The following GATAD2B variants were observed in gnomAD, a reference collection of about 807,000 sequenced individuals.
GATAD2B encodes GATA zinc finger domain containing 2B.
GATAD2B carries 8 observed loss-of-function variants against 64.3 expected under a neutral mutation model. That is an observed-to-expected ratio of 0.12 (90% CI 0.07 to 0.22). GATAD2B has a LOEUF of 0.22. Among genes scored for constraint, GATAD2B ranks in the 10% least tolerant of loss-of-function variants. The pLI is 1.00. For missense variants in GATAD2B, 453 were observed against 752.0 expected (o/e 0.60, Z 4.65); for synonymous variants, 281 against 271.3 (o/e 1.04, Z -0.35).
intron 1 of GATAD2B, among the ~76,000 whole-genome samples, chr1:153,839,108 CAAAAAAAAA>C (rs35262137): frequency 1.7e-4 from 13 of 78,564 alleles, no homozygotes; most frequent in South Asian, 5.1e-4. Context: ...GACCCTGTCT[CAAAAAAAAA>C]AAAAAAAAAA....
intron 2 of GATAD2B, among the ~76,000 whole-genome samples, chr1:153,822,130 G>A (rs1399064539): frequency 6.6e-6 from 1 of 151,914 alleles, no homozygotes; most frequent in Non-Finnish European, 1.5e-5. Context: ...GCAATGAGCC[G>A]AGATTGCACC....
rs962822837 is a variant in GATAD2B at position 153,818,890 on chromosome 1, G to A, written c.498C>T (p.Ile166=). The A allele has an allele frequency of 6.2e-7, 1 of 1,611,998 alleles. No homozygotes were observed. The highest frequency in any genetic ancestry group is 1.3e-5 in the African/African-American group (1 of 75,000). The part of the protein sequence containing the change: ...GKGIEERQQL[I]KQLRDELRLE... ...ATCGTAGCTCATCCCTCAGCTGCTT[G>A]ATAAGCTGCTGCCGCTCCTCAATGC... The change falls in exon 4 of 11, where the codon ATC becomes ATT. Residue 166 remains isoleucine (I), a synonymous_variant. Coordinates refer to ENST00000368655, the MANE Select transcript of GATAD2B (RefSeq NM_020699.4).
chr1:153,818,050 C>T lies in GATAD2B; in HGVS notation c.719G>A (p.Arg240Lys), dbSNP rs778489720. 1 of 1,608,994 alleles carries T rather than the reference C, an allele frequency of 6.2e-7. No homozygotes were observed. Among genetic ancestry groups the T allele is most frequent in the Non-Finnish European group, 8.5e-7 (1 of 1,178,074 alleles). ...GAQGVEPQNL[R>K]TLQGHSVIRS... ...CTATGGGTCACATACCTGTAATGTT[C>T]TCAAATTTTGAGGTTCAACCCCTTG... Residue 240 changes from arginine (R) to lysine (K), a missense_variant, in exon 5 of 11, where the codon AGA becomes AAA. Physicochemically the swap from Arg to Lys is conservative, Grantham distance 26. Coordinates refer to ENST00000368655, the MANE Select transcript of GATAD2B (RefSeq NM_020699.4).
chr1:153,839,130 A>G (rs949535151), intron 1 of GATAD2B, among the ~76,000 whole-genome samples: 17 of 149,720 alleles, frequency 1.1e-4, no homozygotes, highest in Admixed American at 2.0e-4. Flanking sequence ...AAAAAAAAAA[A>G]AAAAGAAAGT....
In GATAD2B at chr1:153,817,483, T is replaced by C. The variant is rs760038739; in HGVS notation, c.789A>G (p.Gln263=). The C allele has an allele frequency of 2.5e-6, 4 of 1,613,220 alleles. No individual in the cohort carries two copies. Among genetic ancestry groups the C allele is most frequent in the Middle Eastern group, 1.7e-4 (1 of 6,056 alleles). The part of the protein sequence containing the change: ...NTTLPHMLMS[Q]RVIAPNPAQL... ...GGGCTGGGTTTGGTGCAATAACACG[T>C]TGAGACATCAACATGTGTGGAAGGG... is the stretch of plus-strand genomic sequence containing the variant. The change falls in exon 6 of 11, where the codon CAA becomes CAG. Residue 263 remains glutamine, a synonymous_variant. Coordinates refer to ENST00000368655, the MANE Select transcript of GATAD2B (RefSeq NM_020699.4).
rs71093286 is a variant in GATAD2B at position 153,816,059 on chromosome 1, AACACACACACAC to A, written c.1216+202_1216+213del. On this transcript the variant is annotated intron_variant, in intron 7 of 10. Transcript: ENST00000368655. This position sits in a 1 kb window ranked among gnomAD's most constrained non-coding sequence, Gnocchi z 4.9. ...CAGAGCGAGACTGCATCTCAAACAAAACACACACACACACACACACACACACACACACACACA... is the reference window on the plus strand; with the variant it reads ...CAGAGCGAGACTGCATCTCAAACAAAACACACACACACACACACACACACA... Among the ~76,000 whole-genome samples the A allele has an allele frequency of 9.2e-5, 13 of 141,788 alleles. No individual in the cohort carries two copies. The highest frequency in any genetic ancestry group is 2.3e-4 in the South Asian group (1 of 4,302). 93.0% of individuals were successfully genotyped at this position (141,788 alleles called of 152,430 possible). A position where few individuals can be genotyped will look rare whatever the true frequency, so the allele number is the denominator to read the frequency against.
Position 153,808,302 on chromosome 1 carries a change from G to A in GATAD2B, c.*1875C>T, listed in dbSNP as rs1164814513. On this transcript the variant is annotated 3_prime_UTR_variant, in exon 11 of 11. Coordinates refer to ENST00000368655, the MANE Select transcript of GATAD2B (RefSeq NM_020699.4). ...TTGGGGTAAGGGAGGAAAGAAAAAA[G>A]CCAGGAAGGCCCGTAGGGCCAGTAT... 1 of 152,540 alleles carries A rather than the reference G, an allele frequency of 6.6e-6. No individual in the cohort carries two copies. The highest frequency in any genetic ancestry group is 6.6e-5 in the Admixed American group (1 of 15,266). 9.4% of individuals were successfully genotyped at this position (152,540 alleles called of 1,614,324 possible). A position where few individuals can be genotyped will look rare whatever the true frequency, so the allele number is the denominator to read the frequency against.
rs535510183 is a variant in GATAD2B, at chr1:153,897,219, C to T, written c.-2+25514G>A. The stretch of plus-strand genomic sequence containing the variant: ...TAATTTTTTGTATTTTTAGTAGAGA[C>T]GGGGTTTCACTGTGTTAGCCAGGAT... On this transcript the variant is annotated intron_variant, in intron 1 of 10. Transcript: ENST00000368655. Among the ~76,000 whole-genome samples the T allele has an allele frequency of 2.9e-3, 434 of 151,970 alleles. 3 individuals are homozygous for T. The highest frequency in any genetic ancestry group is 0.01 in the Middle Eastern group (3 of 294).
chr1:153,910,609 G>A (rs373246800), intron 1 of GATAD2B, among the ~76,000 whole-genome samples: 7 of 151,936 alleles, frequency 4.6e-5, no homozygotes, highest in African/African-American at 1.5e-4. Context: ...ACGTGGTGGC[G>A]AGCACCTGTA....
intron 1 of GATAD2B, among the ~76,000 whole-genome samples, chr1:153,880,420 T>C (rs1230085502): frequency 6.6e-6 from 1 of 151,516 alleles, no homozygotes; most frequent in East Asian, 1.9e-4. Context: ...TGAGCAAAGA[T>C]CACACCACTG....
intron 1 of GATAD2B, among the ~76,000 whole-genome samples, chr1:153,877,887 T>TAAAA (rs36032008): frequency 1.6e-3 from 181 of 110,890 alleles, no homozygotes; most frequent in African/African-American, 5.4e-3. Context: ...CAAAAAAACT[T>TAAAA]AAAAAAAAAA....
chr1:153,875,530 A>T (rs1299303211), intron 1 of GATAD2B, among the ~76,000 whole-genome samples: 2 of 152,114 alleles, frequency 1.3e-5, no homozygotes, highest in Admixed American at 6.6e-5. Context: ...ATAACATTTT[A>T]GACTTTGTGG....
intron 1 of GATAD2B, among the ~76,000 whole-genome samples, chr1:153,855,492 A>C (rs1481448973): frequency 6.6e-6 from 1 of 152,050 alleles, no homozygotes; most frequent in East Asian, 1.9e-4. Context: ...CCCCTCCCAA[A>C]GTGCTGGGAT....
In GATAD2B at chr1:153,837,377, C is replaced by CAAA. The variant is rs113888342; in HGVS notation, c.-1-9032_-1-9030dup. On this transcript the variant is annotated intron_variant, in intron 1 of 10. Transcript: ENST00000368655. ...CAAAAAACCCCAAAAACAAAACAAACAAAAAAAAAAACACAGTAGAATAGA... is the reference window on the plus strand; with the variant it reads ...CAAAAAACCCCAAAAACAAAACAAACAAAAAAAAAAAAAACACAGTAGAATAGA... 4.9e-3 allele frequency among the ~76,000 whole-genome samples: 715 copies of CAAA among 145,706 alleles called. 6 individuals are homozygous for CAAA. The highest frequency in any genetic ancestry group is 0.01 in the Middle Eastern group (3 of 286).
At chr1:153,843,773 C>T (rs1238881478) in intron 1 of GATAD2B, among the ~76,000 whole-genome samples, 2 of 139,308 alleles carry the variant, frequency 1.4e-5, no homozygotes, top group South Asian at 4.5e-4. Flanking sequence ...CAACAGAGAC[C>T]AGAGATTTAC....
chr1:153,812,069 T>A lies in GATAD2B; in HGVS notation c.1483A>T (p.Ser495Cys). 6.2e-7 allele frequency: 1 copy of A among 1,613,330 alleles called. No individual in the cohort carries two copies. The highest frequency in any genetic ancestry group is 1.1e-5 in the South Asian group (1 of 91,054). ...LSPTTAPAVSSVSKQETIMRH... is the reference protein window; with the variant it reads ...LSPTTAPAVSCVSKQETIMRH... ...ATGATGGTCTCTTGTTTACTGACACTGGACACAGCTGGAGCCGTAGTGGGG... is the reference window on the plus strand; with the variant it reads ...ATGATGGTCTCTTGTTTACTGACACAGGACACAGCTGGAGCCGTAGTGGGG... Residue 495 changes from serine to cysteine, a missense_variant, in exon 9 of 11, where the codon AGT (serine) becomes TGT (cysteine). Physicochemically the swap from Ser to Cys is moderately radical, Grantham distance 112 (BLOSUM62 -1). Around this residue, in one of 2 missense-constraint regions of GATAD2B, gnomAD observed 160 missense variants for 334.7 expected, o/e 0.48. Transcript: ENST00000368655.
rs141663771 is a variant in GATAD2B at position 153,887,435 on chromosome 1, A to G, written c.-2+35298T>C. Among the ~76,000 whole-genome samples, 486 of 152,324 alleles carry G rather than the reference A, an allele frequency of 3.2e-3. 2 individuals are homozygous for G. Among genetic ancestry groups the G allele is most frequent in the African/African-American group, 0.011 (448 of 41,566 alleles). The stretch of plus-strand genomic sequence containing the variant: ...ACAAGTGAAGTAAGTGTCTACCACT[A>G]TTTGGGAAGATGTATTTATCAAAAT... On this transcript the variant is annotated intron_variant, in intron 1 of 10. Transcript: ENST00000368655.
chr1:153,909,896 C>T (rs1461284337), intron 1 of GATAD2B, among the ~76,000 whole-genome samples: 1 of 148,726 alleles, frequency 6.7e-6, no homozygotes, highest in Non-Finnish European at 1.5e-5. Context: ...TGCAGTCAGC[C>T]GAGATGATGC....
chr1:153,905,865 G>C (rs1318473002), intron 1 of GATAD2B, among the ~76,000 whole-genome samples: 4 of 151,410 alleles, frequency 2.6e-5, no homozygotes, highest in Middle Eastern at 3.2e-3. Flanking sequence ...TCAAGAGTTC[G>C]AGACCAGCCT....
Sources: allele counts gnomAD v4.1 joint callset (sites outside exome capture counted in the v4.1 genomes callset), GRCh38; gene constraint gnomAD v4.1.1; regional missense constraint gnomAD v4.1.1; non-coding constraint Gnocchi (gnomAD v3.1); transcripts MANE v1.5; gene names NCBI Gene and HGNC (gene_info 2026-07-23, HGNC 2026-07-21).